Variants in IGSF5 observed in about 807,000 individuals in gnomAD.
The protein encoded by IGSF5 is immunoglobulin superfamily 5 like.
Under a neutral mutation model 39.4 loss-of-function variants are expected in IGSF5, and 41 were observed. The observed-to-expected ratio is 1.04, with a 90% CI of 0.81 to 1.35. The LOEUF (loss-of-function observed/expected upper bound fraction) is 1.35, where lower values mean the gene tolerates loss of function less well. Ranked by LOEUF, IGSF5 falls within the 40% of genes most tolerant of loss-of-function variation. IGSF5 has a pLI of 0.00. For missense variants in IGSF5, 487 were observed against 494.6 expected, an observed-to-expected ratio of 0.98 and a Z score of 0.15; for synonymous variants, 183 against 175.3, an observed-to-expected ratio of 1.04 and a Z score of -0.34.
chr21:39,726,418 C>T, the IGSF5 span, among the ~76,000 whole-genome samples: 39 of 152,292 alleles, frequency 2.6e-4, 1 homozygote, highest in Admixed American at 2.4e-3. Flanking sequence ...GCAGAAGACA[C>T]GCAGGCCTCT....
chr21:39,719,581 T>C, the IGSF5 span, among the ~76,000 whole-genome samples: 1 of 152,150 alleles, frequency 6.6e-6, no homozygotes, highest in Admixed American at 6.5e-5. Context: ...TGATAATTGA[T>C]CAGCAGTAAT....
chr21:39,799,339 G>A (rs1170490933), intron 8 of IGSF5, among the ~76,000 whole-genome samples: 1 of 152,182 alleles, frequency 6.6e-6, no homozygotes, highest in East Asian at 1.9e-4. Context: ...TACCCTGCTG[G>A]CGTAGCAGCA....
At chr21:39,721,262 G>C in the IGSF5 span, among the ~76,000 whole-genome samples, 1 of 152,136 alleles carries the variant, frequency 6.6e-6, no homozygotes, top group Non-Finnish European at 1.5e-5. Flanking sequence ...CTTCCGTTTA[G>C]TCCCGGTAAA....
intron 6 of IGSF5, 170 bp from the exon 7 acceptor site, chr21:39,791,838 C>T (rs575904524): frequency 2.1e-5 from 12 of 564,726 alleles, no homozygotes; most frequent in East Asian, 8.5e-5. Context: ...AGTAGGCAGG[C>T]GTGCATACCT....
chr21:39,789,967 G>T (rs1229666334), intron 6 of IGSF5, among the ~76,000 whole-genome samples: 1 of 152,172 alleles, frequency 6.6e-6, no homozygotes, highest in African/African-American at 2.4e-5. Flanking sequence ...ACAGAAAAGT[G>T]CACACGTTAC....
chr21:39,715,888 T>C, the IGSF5 span, among the ~76,000 whole-genome samples: 1 of 151,854 alleles, frequency 6.6e-6, no homozygotes, highest in Non-Finnish European at 1.5e-5. Flanking sequence ...AATGTGGGTG[T>C]GTGTGGGGGG....
At chr21:39,765,312 T>A (rs550820827) in intron 2 of IGSF5, among the ~76,000 whole-genome samples, 1 of 152,114 alleles carries the variant, frequency 6.6e-6, no homozygotes, top group Non-Finnish European at 1.5e-5. Context: ...CCAATACAGC[T>A]GTAGAGTTAG....
At chr21:39,751,154 G>A (rs1465286026) in intron 2 of IGSF5, 1 of 152,338 alleles carries the variant, frequency 6.6e-6, no homozygotes, top group African/African-American at 2.4e-5. Flanking sequence ...TCTGTGATGT[G>A]ACAGAGCCAT....
the IGSF5 span, among the ~76,000 whole-genome samples, chr21:39,718,810 C>T: frequency 6.6e-6 from 1 of 152,036 alleles, no homozygotes; most frequent in African/African-American, 2.4e-5. Context: ...CTGAAGTTTT[C>T]TTTTTTTGTT....
intron 4 of IGSF5, among the ~76,000 whole-genome samples, chr21:39,774,820 C>T (rs1298740476): frequency 6.6e-6 from 1 of 152,172 alleles, no homozygotes; most frequent in Non-Finnish European, 1.5e-5. Context: ...TGAGAAATGG[C>T]AATTTTGGGT....
At chr21:39,763,466 G>T (rs1419543364) in intron 2 of IGSF5, among the ~76,000 whole-genome samples, 1 of 152,182 alleles carries the variant, frequency 6.6e-6, no homozygotes, top group East Asian at 1.9e-4. Context: ...TCTCCCAGCT[G>T]CAGAATAGGG....
chr21:39,784,650 AC>A (rs1417597242), intron 5 of IGSF5, among the ~76,000 whole-genome samples: 1 of 148,752 alleles, frequency 6.7e-6, no homozygotes, highest in African/African-American at 2.5e-5. Flanking sequence ...AGATAAGGCT[AC>A]AAACAGGTCT....
intron 4 of IGSF5, among the ~76,000 whole-genome samples, chr21:39,778,028 C>A (rs1360979523): frequency 1.3e-5 from 2 of 152,148 alleles, no homozygotes; most frequent in Non-Finnish European, 2.9e-5. Context: ...TAAGATACCA[C>A]CCAAGCACGC....
chr21:39,758,967 A>G (rs946195003), intron 2 of IGSF5, among the ~76,000 whole-genome samples: 2 of 152,226 alleles, frequency 1.3e-5, no homozygotes, highest in Non-Finnish European at 2.9e-5. Context: ...CATTTGTATG[A>G]TCGATGTTGA....
At chr21:39,784,929 C>T (rs1459909651) in intron 5 of IGSF5, among the ~76,000 whole-genome samples, 1 of 151,288 alleles carries the variant, frequency 6.6e-6, no homozygotes, top group Non-Finnish European at 1.5e-5. Context: ...GGCCTGGGGG[C>T]TTTGGGATGG....
intron 2 of IGSF5, among the ~76,000 whole-genome samples, chr21:39,751,832 T>G (rs8130992): frequency 0.11 from 16,376 of 152,036 alleles, 2,886 homozygotes; most frequent in African/African-American, 0.37. Flanking sequence ...TTAGGGAAAG[T>G]AGAATTCTCC....
At chr21:39,748,240 C>T (rs1306166652) in intron 2 of IGSF5, among the ~76,000 whole-genome samples, 2 of 142,834 alleles carry the variant, frequency 1.4e-5, no homozygotes, top group Non-Finnish European at 3.1e-5. Context: ...AGGTGGCTTC[C>T]TTTTTGCTGT....
intron 2 of IGSF5, among the ~76,000 whole-genome samples, chr21:39,755,777 AATGGT>A (rs1360975350): frequency 1.3e-5 from 2 of 151,994 alleles, no homozygotes; most frequent in Non-Finnish European, 2.9e-5. Context: ...CCCACAGTGA[AATGGT>A]GCTGCAGCAC....
At chr21:39,713,498 G>A in the IGSF5 span, among the ~76,000 whole-genome samples, 1 of 152,148 alleles carries the variant, frequency 6.6e-6, no homozygotes, top group East Asian at 1.9e-4. Context: ...TTCTCCTGTT[G>A]AGACTTGTCT....
Sources: allele counts gnomAD v4.1 joint callset (sites outside exome capture counted in the v4.1 genomes callset), GRCh38; gene constraint gnomAD v4.1.1; transcripts MANE v1.5; gene names NCBI Gene and HGNC (gene_info 2026-07-23, HGNC 2026-07-21).